Variants in HKDC1 observed in about 807,000 individuals in gnomAD.
The protein encoded by HKDC1 is hexokinase HKDC1.
A neutral mutation model predicts 96.6 loss-of-function variants in HKDC1; 66 were observed. The ratio of observed to expected loss-of-function variants is 0.68; its 90% CI spans 0.56 to 0.84. The LOEUF (loss-of-function observed/expected upper bound fraction) is 0.84, where lower values mean the gene tolerates loss of function less well. HKDC1 is among the 40% of genes least tolerant of loss of function. HKDC1 has a pLI of 0.00. For synonymous variants in HKDC1, 466 were observed against 473.1 expected (o/e 0.98, Z 0.20); for missense variants, 1,211 against 1,208.1 (o/e 1.00, Z -0.04).
In HKDC1 at chr10:69,247,560, G is replaced by A; in HGVS notation, c.1232G>A (p.Gly411Asp). 1 of 1,614,126 alleles carries A rather than the reference G, an allele frequency of 6.2e-7. No homozygotes were observed. The highest frequency in any genetic ancestry group is 1.7e-5 in the Admixed American group (1 of 60,012). The change falls in exon 9 of 18, where the codon GGC becomes GAC. Residue 411 changes from glycine (G) to aspartate (D), a missense_variant. Physicochemically the swap from Gly to Asp is moderately conservative, Grantham distance 94 (BLOSUM62 -1). Coordinates refer to ENST00000354624, the MANE Select transcript of HKDC1 (RefSeq NM_025130.4). ...GTGGAACGGCTCCGGACCACAGTGGGCATGGACGGCACCCTCTACAAGATA... is the reference window on the plus strand; with the variant it reads ...GTGGAACGGCTCCGGACCACAGTGGACATGGACGGCACCCTCTACAAGATA... ...KKVERLRTTVGMDGTLYKIHP... is the reference protein window; with the variant it reads ...KKVERLRTTVDMDGTLYKIHP...
At chr10:69,238,367 T>TCATTAGAGCATTC (rs370718522) in intron 4 of HKDC1, among the ~76,000 whole-genome samples, 5,527 of 26,262 alleles carry the variant, frequency 0.21, 2,307 homozygotes, top group East Asian at 0.51. Context: ...CCAGGTATTT[T>TCATTAGAGCATTC]CTTTTTTTTT....
chr10:69,265,252 A>AACGAGAGG (rs1843876586), intron 16 of HKDC1: 1 of 299,236 alleles, frequency 3.3e-6, no homozygotes, highest in African/African-American at 2.3e-5. Flanking sequence ...GCACAGCTCT[A>AACGAGAGG]GCAGGCTGAG....
chr10:69,247,349 C>T lies in HKDC1; in HGVS notation c.1032-11C>T, dbSNP rs757666967. 6.3e-7 allele frequency: 1 copy of T among 1,592,758 alleles called. No individual in the cohort carries two copies. Among genetic ancestry groups the T allele is most frequent in the Non-Finnish European group, 8.6e-7 (1 of 1,160,554 alleles). On this transcript the variant is annotated splice_polypyrimidine_tract_variant and intron_variant, in intron 8 of 17. Transcript: ENST00000354624. ...AGAAGTGTCGTTCACTCATTCCTGT[C>T]CCCTGGCCAGGTATAAAGAAGGCCT... is the stretch of plus-strand genomic sequence containing the variant.
At position 69,247,394 on chromosome 10, in the gene HKDC1, C is replaced by G; in HGVS notation, c.1066C>G (p.Leu356Val). ...AGGCCTTGCTAATACAAGAGAGATC[C>G]TGGTGGACCTGGGTCTGGAACCGTC... ...KEGLANTREI[L>V]VDLGLEPSEA... Residue 356 changes from leucine (L) to valine (V), a missense_variant, in exon 9 of 18, where the codon CTG (leucine) becomes GTG (valine). Leu to Val is a conservative substitution (Grantham distance 32, BLOSUM62 1). Transcript: ENST00000354624. The G allele has an allele frequency of 6.2e-7, 1 of 1,614,080 alleles. No individual in the cohort carries two copies. The highest frequency in any genetic ancestry group is 8.5e-7 in the Non-Finnish European group (1 of 1,179,978).
Position 69,257,376 on chromosome 10 carries a change from T to G in HKDC1, c.1982T>G (p.Met661Arg). ...GTCGTGAATGATACAGTGGGGACCA[T>G]GATGACCTGTGGCTATGAAGATCCT... ...VAVVNDTVGT[M>R]MTCGYEDPNC... Residue 661 changes from methionine (M) to arginine (R), a missense_variant, in exon 14 of 18, where the codon ATG (methionine) becomes AGG (arginine). Transcript: ENST00000354624. 6.2e-7 allele frequency: 1 copy of G among 1,614,178 alleles called. No individual in the cohort carries two copies. Among genetic ancestry groups the G allele is most frequent in the Admixed American group, 1.7e-5 (1 of 60,032 alleles).
intron 15 of HKDC1, among the ~76,000 whole-genome samples, chr10:69,259,833 AG>A (rs970681490): frequency 8.5e-5 from 13 of 152,176 alleles, no homozygotes; most frequent in African/African-American, 2.9e-4. Context: ...CCAGAACAAC[AG>A]GGGGGAAATC....
At chr10:69,234,317 C>T (rs12573801) in intron 4 of HKDC1, among the ~76,000 whole-genome samples, 2,241 of 152,334 alleles carry the variant, frequency 0.015, 75 homozygotes, top group East Asian at 0.14. Flanking sequence ...TCATGTTCCA[C>T]ACACATGGCT....
chr10:69,232,880 C>G lies in HKDC1; in HGVS notation c.343C>G (p.Pro115Ala), dbSNP rs1165537102. ...VQMESQFYPT[P>A]NEIIRGNGTE... is the part of the protein sequence containing the mutation. ...GATGGAGAGTCAGTTCTACCCAACG[C>G]CCAATGAAATCATCCGCGGGAACGG... Residue 115 changes from proline to alanine, a missense_variant, in exon 3 of 18, where the codon CCC becomes GCC. Transcript: ENST00000354624. The G allele has an allele frequency of 6.2e-7, 1 of 1,613,788 alleles. No individual in the cohort carries two copies. The highest frequency in any genetic ancestry group is 1.3e-5 in the African/African-American group (1 of 75,048).
intron 10 of HKDC1, 150 bp from the exon 11 acceptor site, chr10:69,250,140 C>A: frequency 1.3e-6 from 1 of 778,164 alleles, no homozygotes; most frequent in Non-Finnish European, 2.0e-6. Flanking sequence ...GGGGCCCGGG[C>A]ACTGTGCAGG....
chr10:69,262,961 A>G (rs1452786135), intron 16 of HKDC1, among the ~76,000 whole-genome samples: 1 of 151,832 alleles, frequency 6.6e-6, no homozygotes, highest in East Asian at 1.9e-4. Context: ...TTGTTCCTAG[A>G]CAAGCACAAG....
In HKDC1 at chr10:69,240,719, A is replaced by G; in HGVS notation, c.659A>G (p.Asp220Gly). 1 of 1,614,068 alleles carries G rather than the reference A, an allele frequency of 6.2e-7. No homozygotes were observed. The highest frequency in any genetic ancestry group is 8.5e-7 in the Non-Finnish European group (1 of 1,179,962). Residue 220 changes from aspartate (D) to glycine (G), a missense_variant, in exon 6 of 18, where the codon GAC becomes GGC. Physicochemically the swap from Asp to Gly is moderately conservative, Grantham distance 94 (BLOSUM62 -1). Transcript: ENST00000354624. ...TVGTMMTCAY[D>G]DPYCEVGVII... is the part of the protein sequence containing the mutation. The stretch of plus-strand genomic sequence containing the variant: ...GGGACCATGATGACCTGTGCCTATG[A>G]CGACCCCTACTGCGAAGTTGGTGTC...
chr10:69,248,508 C>A lies in HKDC1; in HGVS notation c.1350C>A (p.Thr450=), dbSNP rs1379518295. ...VRFLLSESGS[T]KGAAMVTAVA... ...TCCTCCTGTCAGAGAGTGGCAGCAC[C>A]AAGGGGGCCGCCATGGTGACCGCGG... The change falls in exon 10 of 18, where the codon ACC becomes ACA. Residue 450 remains threonine (T), a synonymous_variant. Transcript: ENST00000354624. The A allele has an allele frequency of 1.2e-6, 2 of 1,612,828 alleles. No homozygotes were observed. The highest frequency in any genetic ancestry group is 1.1e-5 in the South Asian group (1 of 91,016).
chr10:69,245,569 C>CCAA lies in HKDC1; in HGVS notation c.876-509_876-507dup, dbSNP rs1351282717. 2.6e-3 allele frequency among the ~76,000 whole-genome samples: 165 copies of CCAA among 64,494 alleles called. 1 individual carries two copies. Among genetic ancestry groups the CCAA allele is most frequent in the African/African-American group, 7.9e-3 (162 of 20,464 alleles). 42.3% of individuals were successfully genotyped at this position (64,494 alleles called of 152,430 possible). On this transcript the variant is annotated intron_variant, in intron 7 of 17. Transcript: ENST00000354624. ...TGGGTGACAGAACGAGATCCTGTCT[C>CCAA]CAATAATAATAATAATAATAATAAT... is the stretch of plus-strand genomic sequence containing the variant.
chr10:69,265,204 A>G (rs545716840), intron 16 of HKDC1: 40 of 198,426 alleles, frequency 2.0e-4, no homozygotes, highest in Non-Finnish European at 3.3e-4. Flanking sequence ...GGTGGTGTGA[A>G]AAGGCTTGAA....
intron 4 of HKDC1, among the ~76,000 whole-genome samples, chr10:69,236,833 G>A (rs959872210): frequency 6.6e-5 from 10 of 150,810 alleles, no homozygotes; most frequent in Non-Finnish European, 1.2e-4. Context: ...TTTTCTCATC[G>A]CAGTCTAGTC....
intron 16 of HKDC1, among the ~76,000 whole-genome samples, chr10:69,264,920 A>G (rs796337399): frequency 1.3e-5 from 2 of 152,172 alleles, no homozygotes; most frequent in African/African-American, 2.4e-5. Context: ...GCCTGCCCCT[A>G]TGATGGGTGT....
intron 1 of HKDC1, chr10:69,223,135 T>C (rs970320562): frequency 3.9e-5 from 6 of 152,202 alleles, no homozygotes; most frequent in Admixed American, 6.5e-5. Flanking sequence ...ATTTGACCTA[T>C]TGATAGCACC....
chr10:69,240,872 T>A, intron 6 of HKDC1, 121 bp downstream of exon 6: 1 of 652,188 alleles, frequency 1.5e-6, no homozygotes, highest in Non-Finnish European at 2.8e-6. Flanking sequence ...AGAAGCAACA[T>A]AGGGACATGA....
intron 4 of HKDC1, among the ~76,000 whole-genome samples, chr10:69,237,279 G>GTCTGTC (rs554835110): frequency 2.3e-5 from 2 of 86,600 alleles, no homozygotes; most frequent in Non-Finnish European, 4.4e-5. Context: ...AAATTTCTTT[G>GTCTGTC]TGTGTGTGTG....
Sources: allele counts gnomAD v4.1 joint callset (sites outside exome capture counted in the v4.1 genomes callset), GRCh38; gene constraint gnomAD v4.1.1; transcripts MANE v1.5; gene names NCBI Gene and HGNC (gene_info 2026-07-23, HGNC 2026-07-21).